The following HSD17B12 variants were observed in gnomAD, a reference collection of about 807,000 sequenced individuals.
HSD17B12 encodes hydroxysteroid 17-beta dehydrogenase 12, also known as very-long-chain 3-oxoacyl-CoA reductase.
Under a neutral mutation model 39.3 loss-of-function variants are expected in HSD17B12, and 32 were observed. The ratio of observed to expected loss-of-function variants is 0.81; its 90% CI spans 0.61 to 1.09. HSD17B12 has a LOEUF of 1.09. Ranked by LOEUF, HSD17B12 falls within the 50% of genes least tolerant of loss-of-function variation. The pLI, the probability that HSD17B12 is intolerant of heterozygous loss-of-function variation, is 0.00. For missense variants in HSD17B12, 342 were observed against 382.9 expected (o/e 0.89, Z 0.89); for synonymous variants, 150 against 146.7 (o/e 1.02, Z -0.16).
the HSD17B12 span, among the ~76,000 whole-genome samples, chr11:43,608,013 C>T: frequency 6.6e-6 from 1 of 152,294 alleles, no homozygotes; most frequent in African/African-American, 2.4e-5. Context: ...TTCATGCTGA[C>T]AGATGGACCA....
the HSD17B12 span, among the ~76,000 whole-genome samples, chr11:43,670,014 G>A: frequency 6.6e-6 from 1 of 152,218 alleles, no homozygotes; most frequent in African/African-American, 2.4e-5. Context: ...AGGGAGGGAA[G>A]CTGGATTAAG....
chr11:43,631,012 T>C, the HSD17B12 span, among the ~76,000 whole-genome samples: 1 of 152,006 alleles, frequency 6.6e-6, no homozygotes, highest in Non-Finnish European at 1.5e-5. Context: ...GCCATGTTGG[T>C]CAGGCTGGTC....
chr11:43,643,340 A>G, the HSD17B12 span, among the ~76,000 whole-genome samples: 1 of 152,168 alleles, frequency 6.6e-6, no homozygotes, highest in Admixed American at 6.5e-5. Flanking sequence ...TTTCAAAGAA[A>G]TGCGTTTTTA....
At chr11:43,838,456 G>A in intron 8 of HSD17B12, 58 bp downstream of exon 8, 1 of 1,272,432 alleles carries the variant, frequency 7.9e-7, no homozygotes, top group South Asian at 1.2e-5. Flanking sequence ...TTTTTAGTCT[G>A]AGAAATTAAC....
At chr11:43,822,029 C>G (rs7101808) in intron 6 of HSD17B12, among the ~76,000 whole-genome samples, 96,756 of 152,012 alleles carry the variant, frequency 0.64, 31,247 homozygotes, top group East Asian at 0.71. Context: ...AAAACTGCTG[C>G]TGCACTTAGT....
chr11:43,807,222 C>A (rs977839483), intron 4 of HSD17B12, among the ~76,000 whole-genome samples: 2 of 152,038 alleles, frequency 1.3e-5, no homozygotes, highest in Non-Finnish European at 2.9e-5. Flanking sequence ...AGCCATCGAA[C>A]AAGTAGTGGG....
Position 43,815,429 on chromosome 11 carries a change from T to C in HSD17B12, c.392-8T>C. ...TGTTACTCAGCTAATCATCTTGTTC[T>C]ATTTCAGTGAACAACGTGGGAATGT... On this transcript the variant is annotated splice_polypyrimidine_tract_variant and splice_region_variant and intron_variant, in intron 4 of 10. Transcript: ENST00000278353. 6.5e-7 allele frequency: 1 copy of C among 1,544,452 alleles called. No homozygotes were observed. The highest frequency in any genetic ancestry group is 8.9e-7 in the Non-Finnish European group (1 of 1,127,622).
chr11:43,815,604 C>T (rs1373851991), intron 5 of HSD17B12, 103 bp downstream of exon 5: 34 of 638,148 alleles, frequency 5.3e-5, no homozygotes, highest in Admixed American at 3.7e-4. Flanking sequence ...GTGGTTCACA[C>T]GCTGGCTCTT....
chr11:43,662,757 G>A, the HSD17B12 span, among the ~76,000 whole-genome samples: 2 of 152,234 alleles, frequency 1.3e-5, no homozygotes, highest in African/African-American at 4.8e-5. Context: ...CTACTGGTTG[G>A]ACAGCTTCAG....
the HSD17B12 span, among the ~76,000 whole-genome samples, chr11:43,629,089 A>G: frequency 1.3e-5 from 2 of 152,198 alleles, no homozygotes; most frequent in South Asian, 4.1e-4. Flanking sequence ...ATTTTGGTGG[A>G]TGTGGACGTT....
the HSD17B12 span, among the ~76,000 whole-genome samples, chr11:43,574,956 G>C: frequency 3.9e-5 from 6 of 152,116 alleles, no homozygotes; most frequent in African/African-American, 1.4e-4. Context: ...TTTCCTCTTC[G>C]GGTGGAGAGC....
the HSD17B12 span, among the ~76,000 whole-genome samples, chr11:43,571,318 C>G: frequency 6.6e-6 from 1 of 152,186 alleles, no homozygotes; most frequent in Non-Finnish European, 1.5e-5. Flanking sequence ...CTTCCCAACC[C>G]CTGACACCTT....
the HSD17B12 span, among the ~76,000 whole-genome samples, chr11:43,660,793 A>G: frequency 6.6e-6 from 1 of 152,248 alleles, no homozygotes; most frequent in East Asian, 1.9e-4. Context: ...CATCAGCTGA[A>G]GAGTGGCTAA....
At chr11:43,684,680 T>A (rs1949781432) in intron 1 of HSD17B12, among the ~76,000 whole-genome samples, 1 of 152,222 alleles carries the variant, frequency 6.6e-6, no homozygotes, top group African/African-American at 2.4e-5. Context: ...TGAGTTAGAT[T>A]TTTTAAAACA....
the HSD17B12 span, among the ~76,000 whole-genome samples, chr11:43,643,035 C>A: frequency 2.6e-5 from 4 of 152,018 alleles, no homozygotes; most frequent in African/African-American, 9.7e-5. Context: ...ATTTGAAATT[C>A]ATGATACATT....
At chr11:43,640,269 G>A in the HSD17B12 span, among the ~76,000 whole-genome samples, 1 of 152,078 alleles carries the variant, frequency 6.6e-6, no homozygotes, top group Non-Finnish European at 1.5e-5. Flanking sequence ...GATCCTTATG[G>A]GGAATGAAGG....
At chr11:43,673,486 TC>T in the HSD17B12 span, 10 of 58,360 alleles carry the variant, frequency 1.7e-4, no homozygotes, top group African/African-American at 4.3e-4. Context: ...TCTTTTCTTT[TC>T]TTTTCTTTTT....
At chr11:43,832,841 T>A (rs1951325888) in intron 7 of HSD17B12, among the ~76,000 whole-genome samples, 2 of 151,914 alleles carry the variant, frequency 1.3e-5, no homozygotes, top group Admixed American at 6.6e-5. Flanking sequence ...ACCAGCCTGG[T>A]CAACATGGCA....
intron 1 of HSD17B12, among the ~76,000 whole-genome samples, chr11:43,718,128 A>G (rs1225135575): frequency 6.6e-6 from 1 of 152,200 alleles, no homozygotes; most frequent in Non-Finnish European, 1.5e-5. Flanking sequence ...TATGTTGGTC[A>G]AAGCAAGCCA....
Sources: gnomAD v4.1 joint callset for allele counts (sites outside exome capture counted in the v4.1 genomes callset) on GRCh38, gnomAD v4.1.1 for gene constraint, MANE v1.5 for transcripts, NCBI Gene and HGNC (gene_info 2026-07-23, HGNC 2026-07-21) for gene names.